The following PPP1R9A variants were observed in gnomAD, a reference collection of about 807,000 sequenced individuals.
PPP1R9A encodes the protein neurabin-1.
Under a neutral mutation model 141.9 loss-of-function variants are expected in PPP1R9A, and 59 were observed. The ratio of observed to expected loss-of-function variants is 0.42; its 90% CI spans 0.34 to 0.52. The LOEUF (loss-of-function observed/expected upper bound fraction) is 0.52. PPP1R9A is among the 20% of genes least tolerant of loss of function. The probability of loss-of-function intolerance (pLI) is 0.10; values close to 1 mark genes in which losing one functional copy is unlikely to be tolerated. For missense variants in PPP1R9A, 1,444 were observed against 1,611.9 expected (o/e 0.90, Z 1.78); for synonymous variants, 500 against 569.7 (o/e 0.88, Z 1.74).
At chr7:94,964,450 A>G (rs1797984292) in intron 2 of PPP1R9A, among the ~76,000 whole-genome samples, 1 of 152,120 alleles carries the variant, frequency 6.6e-6, no homozygotes, top group African/African-American at 2.4e-5. Flanking sequence ...CCTGTCATCT[A>G]CATTAGGTAT....
intron 2 of PPP1R9A, among the ~76,000 whole-genome samples, chr7:94,954,163 C>CT (rs1796811341): frequency 6.6e-6 from 1 of 151,834 alleles, no homozygotes; most frequent in South Asian, 2.1e-4. Context: ...AATTTTCAGC[C>CT]TTTTTTTCTA....
At chr7:95,208,083 G>A (rs1791226725) in intron 7 of PPP1R9A, among the ~76,000 whole-genome samples, 1 of 152,008 alleles carries the variant, frequency 6.6e-6, no homozygotes, top group African/African-American at 2.4e-5. Context: ...ACATGAAAGG[G>A]CAATACATGA....
chr7:95,051,331 TTG>T (rs1399345105), intron 2 of PPP1R9A, among the ~76,000 whole-genome samples: 1 of 152,198 alleles, frequency 6.6e-6, no homozygotes, highest in African/African-American at 2.4e-5. Context: ...TCGTGTACAA[TTG>T]ATCTGTTTGT....
chr7:95,221,248 A>G (rs772175826), intron 7 of PPP1R9A, among the ~76,000 whole-genome samples: 1 of 152,144 alleles, frequency 6.6e-6, no homozygotes, highest in Admixed American at 6.6e-5. Context: ...ACTTAATCTT[A>G]TGACAGCTTT....
At chr7:95,095,938 A>G (rs1286382867) in intron 2 of PPP1R9A, among the ~76,000 whole-genome samples, 1 of 151,990 alleles carries the variant, frequency 6.6e-6, no homozygotes, top group Non-Finnish European at 1.5e-5. Flanking sequence ...AGCATATTTT[A>G]CTCCTGACCT....
chr7:95,196,909 G>T (rs1384165515), intron 5 of PPP1R9A, among the ~76,000 whole-genome samples: 1 of 152,046 alleles, frequency 6.6e-6, no homozygotes, highest in Non-Finnish European at 1.5e-5. Flanking sequence ...TGTGTAAATT[G>T]TACCTGAATA....
At chr7:95,118,872 C>A (rs1821997507) in intron 3 of PPP1R9A, among the ~76,000 whole-genome samples, 1 of 150,364 alleles carries the variant, frequency 6.7e-6, no homozygotes, top group Admixed American at 6.6e-5. Flanking sequence ...AGTTCCAGCA[C>A]CTCGGAGGCT....
chr7:95,219,481 C>T (rs4401774), intron 7 of PPP1R9A, among the ~76,000 whole-genome samples: 5 of 151,746 alleles, frequency 3.3e-5, no homozygotes, highest in African/African-American at 1.2e-4. Context: ...ATCTTTGTGG[C>T]GTTCTCTGTA....
At chr7:95,209,878 C>T (rs1361559886) in intron 7 of PPP1R9A, among the ~76,000 whole-genome samples, 1 of 152,166 alleles carries the variant, frequency 6.6e-6, no homozygotes, top group Non-Finnish European at 1.5e-5. Context: ...CTGCCCTCTT[C>T]TATAGAGGAA....
At chr7:95,269,785 A>G (rs1290306430) in intron 14 of PPP1R9A, among the ~76,000 whole-genome samples, 2 of 152,118 alleles carry the variant, frequency 1.3e-5, no homozygotes, top group Non-Finnish European at 2.9e-5. Context: ...CAGAGTTTCA[A>G]CAAACACTAA....
At chr7:95,053,376 A>G (rs1269333046) in intron 2 of PPP1R9A, among the ~76,000 whole-genome samples, 4 of 152,198 alleles carry the variant, frequency 2.6e-5, no homozygotes, top group South Asian at 2.1e-4. Flanking sequence ...TGAACCTCAC[A>G]CTAAGGAAGT....
At chr7:95,153,274 A>G (rs1368412061) in intron 4 of PPP1R9A, among the ~76,000 whole-genome samples, 3 of 152,222 alleles carry the variant, frequency 2.0e-5, no homozygotes. Flanking sequence ...TGTAAGCGCT[A>G]TGCTTGCTAT....
At chr7:95,098,473 C>T (rs978281357) in intron 2 of PPP1R9A, 1 of 151,896 alleles carries the variant, frequency 6.6e-6, no homozygotes, top group Non-Finnish European at 1.5e-5. Context: ...GAGTAGGAAT[C>T]CATTTTAGTT....
chr7:95,244,434 C>CA (rs1317195107), intron 8 of PPP1R9A, among the ~76,000 whole-genome samples: 1 of 152,126 alleles, frequency 6.6e-6, no homozygotes, highest in Non-Finnish European at 1.5e-5. Flanking sequence ...TCATAAATGT[C>CA]ACACCTGTTG....
intron 12 of PPP1R9A, among the ~76,000 whole-genome samples, chr7:95,257,775 T>G (rs988412000): frequency 1.3e-5 from 2 of 152,174 alleles, no homozygotes; most frequent in African/African-American, 4.8e-5. Context: ...TGTTTGGTTT[T>G]TTGTCCTTGC....
chr7:94,992,151 C>T (rs1474984842), intron 2 of PPP1R9A, among the ~76,000 whole-genome samples: 1 of 152,174 alleles, frequency 6.6e-6, no homozygotes, highest in African/African-American at 2.4e-5. Flanking sequence ...TATAATCTTC[C>T]CTTCCCCCAC....
intron 2 of PPP1R9A, among the ~76,000 whole-genome samples, chr7:95,072,690 T>TTATGTAATATAATATATAATAAA (rs1563196624): frequency 8.6e-6 from 1 of 116,668 alleles, no homozygotes; most frequent in African/African-American, 3.3e-5. Flanking sequence ...ATATTATATA[T>TTATGTAATATAATATATAATAAA]TATGTAATAT....
At chr7:95,263,500 T>C (rs1800751759) in intron 12 of PPP1R9A, among the ~76,000 whole-genome samples, 1 of 151,992 alleles carries the variant, frequency 6.6e-6, no homozygotes, top group South Asian at 2.1e-4. Flanking sequence ...AGTGGCCCGA[T>C]CTTGGCTCAC....
intron 4 of PPP1R9A, chr7:95,156,036 C>T (rs1829547911): frequency 6.6e-6 from 1 of 152,256 alleles, no homozygotes; most frequent in Admixed American, 6.5e-5. Flanking sequence ...TGGGTTTGTT[C>T]TGCCTACCTG....
Sources: gnomAD v4.1 joint callset for allele counts (sites outside exome capture counted in the v4.1 genomes callset) on GRCh38, gnomAD v4.1.1 for gene constraint, MANE v1.5 for transcripts, NCBI Gene and HGNC (gene_info 2026-07-23, HGNC 2026-07-21) for gene names.